The following FER variants were observed in gnomAD, a reference collection of about 807,000 sequenced individuals.
FER encodes the protein tyrosine-protein kinase Fer.
A neutral mutation model predicts 111.0 loss-of-function variants in FER; 63 were observed. The ratio of observed to expected loss-of-function variants is 0.57; its 90% CI spans 0.46 to 0.70. FER has a LOEUF of 0.70. FER is among the 30% of genes least tolerant of loss of function. The pLI, the probability that FER is intolerant of heterozygous loss-of-function variation, is 0.00. For synonymous variants in FER, 327 were observed against 313.9 expected (o/e 1.04, Z -0.44); for missense variants, 914 against 954.0 (o/e 0.96, Z 0.55).
At chr5:109,077,775 G>T (rs1776511167) in intron 16 of FER, among the ~76,000 whole-genome samples, 1 of 152,080 alleles carries the variant, frequency 6.6e-6, no homozygotes, top group African/African-American at 2.4e-5. Flanking sequence ...AAAAGCAGTG[G>T]ATATCACACA....
intron 16 of FER, among the ~76,000 whole-genome samples, chr5:109,097,444 A>C (rs2150058632): frequency 6.6e-6 from 1 of 152,052 alleles, no homozygotes; most frequent in East Asian, 1.9e-4. Flanking sequence ...CAAGATCCTT[A>C]TTGCAATGGT....
intron 16 of FER, among the ~76,000 whole-genome samples, chr5:109,055,397 A>G (rs981588667): frequency 1.7e-4 from 26 of 152,234 alleles, no homozygotes; most frequent in African/African-American, 5.8e-4. Flanking sequence ...TGTGAAAACT[A>G]CTTGCAAATC....
Position 108,752,919 on chromosome 5 carries a change from C to A in FER, c.-206+4919C>A, listed in dbSNP as rs573972833. Among the ~76,000 whole-genome samples the A allele has an allele frequency of 2.0e-5, 3 of 152,006 alleles. No homozygotes were observed. In the East Asian group the frequency reaches 5.8e-4, roughly 29 times the overall value. On this transcript the variant is annotated intron_variant, in intron 1 of 19. Coordinates refer to ENST00000281092, the MANE Select transcript of FER (RefSeq NM_005246.4). ...GGACATTTTATGTAGGTTTTCCTTG[C>A]TAGGTTTCAAAGTGTAGTGAAAAGA...
intron 16 of FER, among the ~76,000 whole-genome samples, chr5:109,062,511 G>A (rs1774546634): frequency 6.6e-6 from 1 of 151,992 alleles, no homozygotes; most frequent in Admixed American, 6.6e-5. Flanking sequence ...GGGTGACAGA[G>A]TGAGAATCTG....
chr5:108,928,552 A>T (rs567425381), intron 10 of FER, among the ~76,000 whole-genome samples: 8 of 152,302 alleles, frequency 5.3e-5, no homozygotes, highest in Admixed American at 5.2e-4. Flanking sequence ...TTCAGAGAAA[A>T]TAAGGTAATT....
chr5:109,014,126 C>A (rs1355688796), intron 13 of FER, among the ~76,000 whole-genome samples: 1 of 151,002 alleles, frequency 6.6e-6, no homozygotes, highest in Non-Finnish European at 1.5e-5. Context: ...GTTGCCATTG[C>A]TTTTGGTGTT....
chr5:109,126,835 T>C (rs748618640), intron 17 of FER, among the ~76,000 whole-genome samples: 1 of 152,132 alleles, frequency 6.6e-6, no homozygotes, highest in African/African-American at 2.4e-5. Flanking sequence ...CAAGGTAAAG[T>C]GTAAAGAATA....
At chr5:109,099,548 T>C (rs1011712711) in intron 16 of FER, among the ~76,000 whole-genome samples, 1 of 151,546 alleles carries the variant, frequency 6.6e-6, no homozygotes, top group South Asian at 2.1e-4. Context: ...AGAGTAAATA[T>C]ATTTCAAAGA....
At chr5:109,184,394 T>C (rs530792646) in intron 18 of FER, among the ~76,000 whole-genome samples, 48 of 152,274 alleles carry the variant, frequency 3.2e-4, no homozygotes, top group African/African-American at 1.1e-3. Flanking sequence ...CATAGAAAAG[T>C]AGCCAAATGC....
At chr5:108,980,181 A>G (rs1761869743) in intron 13 of FER, among the ~76,000 whole-genome samples, 1 of 152,162 alleles carries the variant, frequency 6.6e-6, no homozygotes, top group Admixed American at 6.6e-5. Flanking sequence ...GTGAGATCAA[A>G]AGGATGAAGT....
chr5:109,103,214 C>G (rs1748467044), intron 17 of FER, among the ~76,000 whole-genome samples: 1 of 151,974 alleles, frequency 6.6e-6, no homozygotes, highest in South Asian at 2.1e-4. Context: ...GCTTTGTGTC[C>G]AGCAAATTCT....
chr5:109,156,349 C>T (rs1012173364), intron 17 of FER, among the ~76,000 whole-genome samples: 3 of 152,026 alleles, frequency 2.0e-5, no homozygotes, highest in African/African-American at 7.2e-5. Context: ...AAACACTACA[C>T]TCAGGAAGAA....
chr5:108,767,840 C>T (rs898161342), intron 1 of FER, among the ~76,000 whole-genome samples: 3 of 152,164 alleles, frequency 2.0e-5, no homozygotes, highest in African/African-American at 7.2e-5. Context: ...TGAATTACCT[C>T]TTGAAAACTG....
chr5:108,941,396 C>G lies in FER; in HGVS notation c.1237-4734C>G, dbSNP rs535824723. On this transcript the variant is annotated intron_variant, in intron 10 of 19. Coordinates refer to ENST00000281092, the MANE Select transcript of FER (RefSeq NM_005246.4). ...CTACAATCAAAGATTATATGACACA[C>G]CAAAAAGTGAGAAATTTGACCCATA... is the stretch of plus-strand genomic sequence containing the variant. Among the ~76,000 whole-genome samples, 290 of 152,146 alleles carry G rather than the reference C, an allele frequency of 1.9e-3. 2 individuals are homozygous for G. Among genetic ancestry groups the G allele is most frequent in the African/African-American group, 6.3e-3 (262 of 41,520 alleles).
At chr5:108,890,227 G>T (rs1561569395) in intron 9 of FER, among the ~76,000 whole-genome samples, 2 of 152,062 alleles carry the variant, frequency 1.3e-5, no homozygotes, top group Non-Finnish European at 2.9e-5. Context: ...TAATTCTTCA[G>T]AAATTCATCC....
At chr5:109,126,128 A>G (rs1328725264) in intron 17 of FER, among the ~76,000 whole-genome samples, 2 of 152,188 alleles carry the variant, frequency 1.3e-5, no homozygotes, top group Non-Finnish European at 2.9e-5. Context: ...GTGCTTGGAA[A>G]TAATTGTAGT....
At chr5:108,999,638 G>A (rs1395812011) in intron 13 of FER, among the ~76,000 whole-genome samples, 2 of 151,134 alleles carry the variant, frequency 1.3e-5, no homozygotes, top group African/African-American at 4.9e-5. Context: ...CAATATGTTT[G>A]TACCAATTTA....
chr5:109,132,674 C>T (rs1413727136), intron 17 of FER, among the ~76,000 whole-genome samples: 1 of 152,092 alleles, frequency 6.6e-6, no homozygotes, highest in Non-Finnish European at 1.5e-5. Context: ...TCCAAGAGGC[C>T]TCAGACAATC....
At chr5:109,036,758 A>C (rs1488638053) in intron 13 of FER, among the ~76,000 whole-genome samples, 1 of 151,498 alleles carries the variant, frequency 6.6e-6, no homozygotes, top group Non-Finnish European at 1.5e-5. Context: ...GGGATTTCAT[A>C]GTTGAGCCTT....
Sources: gnomAD v4.1 joint callset for allele counts (sites outside exome capture counted in the v4.1 genomes callset) on GRCh38, gnomAD v4.1.1 for gene constraint, MANE v1.5 for transcripts, NCBI Gene and HGNC (gene_info 2026-07-23, HGNC 2026-07-21) for gene names.